USH2A: variants seen among roughly 807,000 people sequenced by gnomAD.
The protein encoded by USH2A is usherin, also known as Usher syndrome 2A (autosomal recessive, mild).
In USH2A, 443 loss-of-function variants were observed where a neutral mutation model predicts 538.9. The observed-to-expected ratio is 0.82, with a 90% CI of 0.76 to 0.89. The LOEUF (loss-of-function observed/expected upper bound fraction) is 0.89. Ranked by LOEUF, USH2A falls within the 40% of genes least tolerant of loss-of-function variation. The probability of loss-of-function intolerance (pLI) is 0.00; values close to 1 mark genes in which losing one functional copy is unlikely to be tolerated. For missense variants in USH2A, 6,633 were observed against 6,324.8 expected (o/e 1.05, Z -1.65); for synonymous variants, 2,413 against 2,273.5 (o/e 1.06, Z -1.75).
intron 11 of USH2A, among the ~76,000 whole-genome samples, chr1:216,261,775 G>A (rs770309084): frequency 2.0e-5 from 3 of 151,886 alleles, no homozygotes; most frequent in East Asian, 1.9e-4. Context: ...TCATGCCCCC[G>A]GCCTGAGAAA....
At chr1:216,068,643 A>G (rs1041510819) in intron 30 of USH2A, among the ~76,000 whole-genome samples, 1 of 152,218 alleles carries the variant, frequency 6.6e-6, no homozygotes, top group Non-Finnish European at 1.5e-5. Context: ...CTGAAGAAAC[A>G]GAAAGAGTCA....
intron 37 of USH2A, among the ~76,000 whole-genome samples, chr1:215,944,966 T>C (rs1030583827): frequency 2.0e-5 from 3 of 151,848 alleles, no homozygotes; most frequent in Non-Finnish European, 4.4e-5. Context: ...TTTAAGAATA[T>C]GATTAGATAA....
chr1:216,055,615 C>T (rs2030950254), intron 30 of USH2A, among the ~76,000 whole-genome samples: 1 of 152,174 alleles, frequency 6.6e-6, no homozygotes, highest in Non-Finnish European at 1.5e-5. Context: ...TGAATAATGA[C>T]ATTTGTTAAA....
At chr1:216,091,279 C>A (rs2032295262) in intron 22 of USH2A, among the ~76,000 whole-genome samples, 1 of 152,126 alleles carries the variant, frequency 6.6e-6, no homozygotes. Context: ...AGCTTCCTTC[C>A]AAGTAAGCCC....
intron 49 of USH2A, among the ~76,000 whole-genome samples, chr1:215,811,500 C>A (rs77107095): frequency 0.034 from 5,163 of 152,210 alleles, 98 homozygotes; most frequent in African/African-American, 0.05. Flanking sequence ...CTATAGTCCC[C>A]ATCCAGGAAC....
chr1:215,954,701 A>G (rs1667019184), intron 37 of USH2A, among the ~76,000 whole-genome samples: 1 of 151,816 alleles, frequency 6.6e-6, no homozygotes. Flanking sequence ...GTACCCTAAA[A>G]CTTGAAGTAT....
chr1:215,998,816 A>T, intron 34 of USH2A, 71 bp downstream of exon 34: 1 of 1,545,884 alleles, frequency 6.5e-7, no homozygotes, highest in Non-Finnish European at 8.9e-7. Flanking sequence ...AGAGAAAGAA[A>T]AGATGGACCA....
chr1:216,243,830 C>T (rs544449008), intron 13 of USH2A, among the ~76,000 whole-genome samples: 5 of 152,028 alleles, frequency 3.3e-5, no homozygotes, highest in African/African-American at 1.2e-4. Context: ...TTTAATGCTC[C>T]CTACTCTTAA....
intron 47 of USH2A, among the ~76,000 whole-genome samples, chr1:215,823,528 T>C (rs1663072372): frequency 6.6e-6 from 1 of 152,078 alleles, no homozygotes; most frequent in South Asian, 2.1e-4. Flanking sequence ...AATCTTATTT[T>C]AATCAAATCT....
At chr1:216,320,134 G>GAGATCCCCAGA (rs1393526460) in intron 9 of USH2A, among the ~76,000 whole-genome samples, 6 of 152,130 alleles carry the variant, frequency 3.9e-5, no homozygotes, top group African/African-American at 1.4e-4. Context: ...TGTTGGAGGT[G>GAGATCCCCAGA]AGCCTGGTGG....
intron 49 of USH2A, among the ~76,000 whole-genome samples, chr1:215,807,546 C>T (rs912687006): frequency 6.6e-6 from 1 of 152,064 alleles, no homozygotes; most frequent in Non-Finnish European, 1.5e-5. Flanking sequence ...AATGCTTTTT[C>T]TAGGACCTAA....
chr1:215,625,513 T>A lies in USH2A; in HGVS notation c.*268A>T. On this transcript the variant is annotated 3_prime_UTR_variant, in exon 72 of 72. Coordinates refer to ENST00000307340, the MANE Select transcript of USH2A (RefSeq NM_206933.4). ...AGCATCACTGCCAAACAGAACCAAGTGACAATTACATACTTCTTTGTCTTC... is the reference window on the plus strand; with the variant it reads ...AGCATCACTGCCAAACAGAACCAAGAGACAATTACATACTTCTTTGTCTTC... 2.1e-6 allele frequency: 1 copy of A among 486,294 alleles called. No homozygotes were observed. The highest frequency in any genetic ancestry group is 3.7e-6 in the Non-Finnish European group (1 of 267,720). 30.1% of individuals were successfully genotyped at this position (486,294 alleles called of 1,614,324 possible).
chr1:215,927,221 C>T (rs369814357), intron 38 of USH2A, among the ~76,000 whole-genome samples: 2 of 151,962 alleles, frequency 1.3e-5, no homozygotes, highest in Admixed American at 6.6e-5. Flanking sequence ...CTGTGAAATT[C>T]GTTCAGGAAA....
At chr1:216,311,101 T>A (rs1325157303) in intron 9 of USH2A, among the ~76,000 whole-genome samples, 1 of 152,222 alleles carries the variant, frequency 6.6e-6, no homozygotes, top group Admixed American at 6.5e-5. Context: ...TCCTCCTGCA[T>A]CATAGTGCTG....
chr1:216,369,456 G>C (rs2038660922), intron 3 of USH2A, among the ~76,000 whole-genome samples: 2 of 152,108 alleles, frequency 1.3e-5, no homozygotes, highest in South Asian at 4.1e-4. Context: ...CTCACTGTCT[G>C]ACGATCACAC....
chr1:216,073,974 TC>T (rs1249994805), intron 27 of USH2A, among the ~76,000 whole-genome samples: 1 of 152,186 alleles, frequency 6.6e-6, no homozygotes, highest in Non-Finnish European at 1.5e-5. Flanking sequence ...CAGTTTTACA[TC>T]CCCATTAGCA....
At chr1:216,215,999 T>C (rs1463565047) in intron 15 of USH2A, among the ~76,000 whole-genome samples, 3 of 152,084 alleles carry the variant, frequency 2.0e-5, no homozygotes, top group Admixed American at 1.3e-4. Context: ...GTGCCAATAT[T>C]GTCACAAAAT....
At chr1:215,635,924 G>A (rs939889437) in intron 69 of USH2A, among the ~76,000 whole-genome samples, 2 of 150,458 alleles carry the variant, frequency 1.3e-5, no homozygotes, top group African/African-American at 4.9e-5. Context: ...ATAGGCGAAG[G>A]CAGTGAAATT....
In USH2A at chr1:215,780,074, G is replaced by C. The variant is rs764935945; in HGVS notation, c.10741-33C>G. On this transcript the variant is annotated intron_variant, in intron 54 of 71. Transcript: ENST00000307340. ...CGTAGGAATTAAGCAGCAATTTATT[G>C]TAATAGTGCACTAGCTATCCTGATC... 6 of 1,608,562 alleles carry C rather than the reference G, an allele frequency of 3.7e-6. No homozygotes were observed. The South Asian group carries it at 6.6e-5, about 18-fold the overall frequency.
Sources: allele counts gnomAD v4.1 joint callset (sites outside exome capture counted in the v4.1 genomes callset), GRCh38; gene constraint gnomAD v4.1.1; transcripts MANE v1.5; gene names NCBI Gene and HGNC (gene_info 2026-07-23, HGNC 2026-07-21).